ENSA: variants seen among roughly 807,000 people sequenced by gnomAD.
ENSA encodes the protein alpha-endosulfine.
A neutral mutation model predicts 16.8 loss-of-function variants in ENSA; 7 were observed. The ratio of observed to expected loss-of-function variants is 0.42; its 90% CI spans 0.24 to 0.78. The LOEUF (loss-of-function observed/expected upper bound fraction) is 0.78, where lower values mean the gene tolerates loss of function less well. Among genes scored for constraint, ENSA ranks in the 30% least tolerant of loss-of-function variants. The pLI is 0.29. For synonymous variants in ENSA, 58 were observed against 53.4 expected (o/e 1.09, Z -0.37); for missense variants, 87 against 142.3 (o/e 0.61, Z 1.98).
At position 150,625,684 on chromosome 1, in the gene ENSA, A is replaced by C; in HGVS notation, c.308T>G (p.Leu103Arg). The part of the protein sequence containing the change: ...TGDHIPTPQD[L>R]PQRKSSLVTS... ...GACGAGCGAGGACTTTCTCTGGGGC[A>C]GATCCTGTGGGGTGGGGATGTGATC... Residue 103 changes from leucine (L) to arginine (R), a missense_variant, in exon 3 of 4, where the codon CTG becomes CGG. By Grantham distance (102) the Leu-to-Arg change is moderately radical (BLOSUM62 -2). Coordinates refer to ENST00000369014, the MANE Select transcript of ENSA (RefSeq NM_004436.4). The C allele has an allele frequency of 1.2e-6, 2 of 1,612,046 alleles. No homozygotes were observed. The highest frequency in any genetic ancestry group is 1.7e-6 in the Non-Finnish European group (2 of 1,179,064).
chr1:150,625,203 A>G (rs1649215138), intron 3 of ENSA: 1 of 986,838 alleles, frequency 1.0e-6, no homozygotes, highest in African/African-American at 1.7e-5. Context: ...GGGACAGAAC[A>G]CTTAGAAGCA....
In ENSA at chr1:150,629,581, G is replaced by C; in HGVS notation, c.-111C>G. 2 of 1,393,202 alleles carry C rather than the reference G, an allele frequency of 1.4e-6. No homozygotes were observed. The highest frequency in any genetic ancestry group is 2.0e-6 in the Non-Finnish European group (2 of 1,020,070). 86.3% of individuals were successfully genotyped at this position (1,393,202 alleles called of 1,614,324 possible). A position where few individuals can be genotyped will look rare whatever the true frequency, so the allele number is the denominator to read the frequency against. On this transcript the variant is annotated 5_prime_UTR_variant, in exon 1 of 4. Coordinates refer to ENST00000369014, the MANE Select transcript of ENSA (RefSeq NM_004436.4). ...TGCTGCTTCGGCTCCTGTCACTAGGGTTGCTCAGTCAAAATGGCGGCCCTT... is the reference window on the plus strand; with the variant it reads ...TGCTGCTTCGGCTCCTGTCACTAGGCTTGCTCAGTCAAAATGGCGGCCCTT...
chr1:150,622,921 A>C (rs1263689298), intron 3 of ENSA, 62 bp from the exon 4 acceptor site: 13 of 1,528,964 alleles, frequency 8.5e-6, no homozygotes, highest in Non-Finnish European at 1.1e-5. Flanking sequence ...GGGGAAAAAA[A>C]CCCTGAACTC....
rs1649580056 is a variant in ENSA, at chr1:150,629,360, TC to T, written c.57+53del. On this transcript the variant is annotated intron_variant, in intron 1 of 3. Transcript: ENST00000369014. ...CAATCCGCACTGGTGGGAGACCGTC[TC>T]CCGCCCCATCACGGTCTCCCCAGCT... is the stretch of plus-strand genomic sequence containing the variant. The T allele has an allele frequency of 1.9e-6, 3 of 1,594,254 alleles. No individual in the cohort carries two copies. In the African/African-American group the frequency reaches 4.0e-5, roughly 21 times the overall value.
Position 150,629,438 on chromosome 1 carries a change from C to A in ENSA, c.33G>T (p.Ala11=). The change falls in exon 1 of 4, where the codon GCG becomes GCT. Residue 11 remains alanine, a synonymous_variant. Coordinates refer to ENST00000369014, the MANE Select transcript of ENSA (RefSeq NM_004436.4). The part of the protein sequence containing the change: MSQKQEEENP[A]EETGEEKQDT... ...CCTGCTTCTCCTCGCCGGTCTCCTC[C>A]GCAGGGTTCTCTTCTTCTTGTTTCT... The A allele has an allele frequency of 6.2e-7, 1 of 1,613,850 alleles. No homozygotes were observed. Among genetic ancestry groups the A allele is most frequent in the Non-Finnish European group, 8.5e-7 (1 of 1,179,828 alleles).
chr1:150,628,992 G>A (rs587594676), intron 1 of ENSA: 4 of 1,520,332 alleles, frequency 2.6e-6, no homozygotes, highest in East Asian at 4.5e-5. Context: ...TTTTTTAAAC[G>A]TCTTTACCTC....
In ENSA at chr1:150,622,766, AGGGGCAGGAGCCAGCACAGGACCCGGGT is replaced by A. The variant is rs1649048450; in HGVS notation, c.*50_*77del. 6.8e-7 allele frequency: 1 copy of A among 1,469,674 alleles called. No individual in the cohort carries two copies. The highest frequency in any genetic ancestry group is 2.4e-5 in the Admixed American group (1 of 41,078). 91.0% of individuals were successfully genotyped at this position (1,469,674 alleles called of 1,614,324 possible). On this transcript the variant is annotated 3_prime_UTR_variant, in exon 4 of 4. Coordinates refer to ENST00000369014, the MANE Select transcript of ENSA (RefSeq NM_004436.4). The stretch of plus-strand genomic sequence containing the variant: ...CTGACCCCTGGCTGCAAAAGCAGGA[AGGGGCAGGAGCCAGCACAGGACCCGGGT>A]GGGGCAGGGAGGGGAAGCGTCTCAG...
chr1:150,624,216 G>T, intron 3 of ENSA: 2 of 985,472 alleles, frequency 2.0e-6, no homozygotes, highest in Non-Finnish European at 2.4e-6. Context: ...CATGATAAAA[G>T]AGCTGGGTTG....
intron 2 of ENSA, chr1:150,626,367 A>G (rs890186965): frequency 2.2e-5 from 22 of 978,128 alleles, no homozygotes; most frequent in Non-Finnish European, 3.2e-5. Context: ...TGACTGTGAC[A>G]GCCTGCCCAC....
rs138271290 is a variant in ENSA, at chr1:150,624,119, C to T, written c.351-1260G>A. On this transcript the variant is annotated intron_variant, in intron 3 of 3. Coordinates refer to ENST00000369014, the MANE Select transcript of ENSA (RefSeq NM_004436.4). ...AAGTTGCGTTCAATAAAATTCTAGC[C>T]AAGCTGGTGGTAACTAGATTGAAGA... is the stretch of plus-strand genomic sequence containing the variant. The T allele has an allele frequency of 4.8e-5, 47 of 985,414 alleles. No homozygotes were observed. In the East Asian group the frequency reaches 4.3e-3, roughly 90 times the overall value. 61.0% of individuals were successfully genotyped at this position (985,414 alleles called of 1,614,324 possible). A position where few individuals can be genotyped will look rare whatever the true frequency, so the allele number is the denominator to read the frequency against.
Position 150,627,308 on chromosome 1 carries a change from T to TG in ENSA, c.183+158_183+159insC, listed in dbSNP as rs778667498. On this transcript the variant is annotated intron_variant, in intron 2 of 3. Transcript: ENST00000369014. Reference sequence around the variant, plus strand: ...AGGGAATTGATACCACATCAGGGATTTACATTAATTTGACTTGCTCTTTTC... The same window carrying TG: ...AGGGAATTGATACCACATCAGGGATTGTACATTAATTTGACTTGCTCTTTTC... The TG allele has an allele frequency of 1.0e-5, 16 of 1,594,056 alleles. No individual in the cohort carries two copies. In the East Asian group the frequency reaches 3.6e-4, roughly 36 times the overall value.
chr1:150,624,241 T>C, intron 3 of ENSA: 1 of 982,904 alleles, frequency 1.0e-6, no homozygotes, highest in Non-Finnish European at 1.2e-6. Context: ...GTTCTGGGGA[T>C]GCAGAGATTT....
At chr1:150,626,672 T>G in intron 2 of ENSA, 1 of 554,754 alleles carries the variant, frequency 1.8e-6, no homozygotes, top group South Asian at 1.9e-5. Context: ...TTCTCCTGCT[T>G]CAGCCTCCCG....
chr1:150,623,368 G>A, intron 3 of ENSA: 1 of 986,120 alleles, frequency 1.0e-6, no homozygotes, highest in African/African-American at 1.7e-5. Flanking sequence ...AGGAAGCTAT[G>A]TACTTCATGC....
chr1:150,625,866 G>A (rs1157382183), intron 2 of ENSA, 58 bp from the exon 3 acceptor site: 7 of 1,509,748 alleles, frequency 4.6e-6, no homozygotes, highest in African/African-American at 1.4e-5. Flanking sequence ...TCAAAAACAA[G>A]GAGACTCACA....
At chr1:150,624,236 G>C (rs1216940523) in intron 3 of ENSA, 11 of 983,232 alleles carry the variant, frequency 1.1e-5, no homozygotes, top group Non-Finnish European at 1.2e-5. Context: ...GCTGAGTTCT[G>C]GGGATGCAGA....
chr1:150,627,023 C>T, intron 2 of ENSA: 2 of 1,173,744 alleles, frequency 1.7e-6, no homozygotes, highest in Non-Finnish European at 2.1e-6. Context: ...CTGGTGCTCA[C>T]TTCAAGGGTA....
intron 3 of ENSA, 24 bp downstream of exon 3, chr1:150,625,618 G>T (rs777078545): frequency 6.4e-7 from 1 of 1,570,650 alleles, no homozygotes; most frequent in South Asian, 1.2e-5. Context: ...TTGAGGAAGG[G>T]GAGGAGAGGG....
downstream of ENSA, chr1:150,621,558 G>C (rs1366257341): frequency 6.6e-6 from 1 of 152,210 alleles, no homozygotes; most frequent in Non-Finnish European, 1.5e-5. Context: ...ATAGGCGTGA[G>C]CCACCGTACA....
Sources: allele counts gnomAD v4.1 joint callset, GRCh38; gene constraint gnomAD v4.1.1; transcripts MANE v1.5; gene names NCBI Gene and HGNC (gene_info 2026-07-23, HGNC 2026-07-21).